Variants in NME7 observed in about 807,000 individuals in gnomAD.
NME7 encodes the protein NME/NM23 family member 7.
In NME7, 41 loss-of-function variants were observed where a neutral mutation model predicts 49.1. The observed-to-expected ratio is 0.83, with a 90% confidence interval of 0.65 to 1.08. The LOEUF (loss-of-function observed/expected upper bound fraction) is 1.08. NME7 is among the 50% of genes least tolerant of loss of function. The pLI, the probability that NME7 is intolerant of heterozygous loss-of-function variation, is 0.00. For missense variants in NME7, 423 were observed against 463.4 expected (o/e 0.91, Z 0.80); for synonymous variants, 139 against 150.6 (o/e 0.92, Z 0.56).
intron 10 of NME7, among the ~76,000 whole-genome samples, chr1:169,225,462 C>A (rs1256890424): frequency 6.6e-6 from 1 of 152,058 alleles, no homozygotes; most frequent in African/African-American, 2.4e-5. Flanking sequence ...AGGAAAGGCA[C>A]AAAATGCAGC....
intron 10 of NME7, among the ~76,000 whole-genome samples, chr1:169,213,846 CACACAAACAT>C (rs941654941): frequency 2.9e-5 from 4 of 136,162 alleles, no homozygotes; most frequent in Non-Finnish European, 5.1e-5. Flanking sequence ...TATATATATA[CACACAAACAT>C]ACACACACAT....
At chr1:169,291,271 C>T (rs1426871338) in intron 6 of NME7, among the ~76,000 whole-genome samples, 1 of 152,134 alleles carries the variant, frequency 6.6e-6, no homozygotes, top group Admixed American at 6.5e-5. Flanking sequence ...AAATGCCCAT[C>T]AGTGATAGAC....
intron 6 of NME7, among the ~76,000 whole-genome samples, chr1:169,290,919 T>C (rs148266635): frequency 6.6e-6 from 1 of 152,100 alleles, no homozygotes; most frequent in African/African-American, 2.4e-5. Context: ...AAAAAGCTCA[T>C]CACTGGTCAT....
intron 1 of NME7, among the ~76,000 whole-genome samples, chr1:169,363,052 C>T (rs1181782722): frequency 6.7e-6 from 1 of 150,300 alleles, no homozygotes; most frequent in African/African-American, 2.4e-5. Context: ...CCAGGCTGGG[C>T]AGCATAGTGA....
At chr1:169,167,141 T>C (rs1223974677) in intron 11 of NME7, among the ~76,000 whole-genome samples, 2 of 152,148 alleles carry the variant, frequency 1.3e-5, no homozygotes, top group Non-Finnish European at 2.9e-5. Flanking sequence ...AAGTATTCAA[T>C]AAATGAGAAA....
intron 6 of NME7, among the ~76,000 whole-genome samples, chr1:169,289,807 G>A (rs1043827012): frequency 7.9e-5 from 12 of 151,996 alleles, no homozygotes; most frequent in African/African-American, 2.9e-4. Flanking sequence ...TATCTTCTTA[G>A]TGAAACGTGA....
intron 10 of NME7, among the ~76,000 whole-genome samples, chr1:169,195,759 C>T (rs1470188384): frequency 6.6e-6 from 1 of 152,168 alleles, no homozygotes; most frequent in Non-Finnish European, 1.5e-5. Flanking sequence ...AAAATATATA[C>T]TGAGTTCTTA....
intron 7 of NME7, chr1:169,247,188 T>C (rs530884462): frequency 2.0e-4 from 81 of 412,582 alleles, no homozygotes; most frequent in South Asian, 1.3e-3. Flanking sequence ...ACTGAGTAGA[T>C]AGGCTGGAAA....
intron 6 of NME7, among the ~76,000 whole-genome samples, chr1:169,292,024 G>T (rs1313657025): frequency 2.0e-5 from 3 of 151,808 alleles, no homozygotes; most frequent in Non-Finnish European, 4.4e-5. Flanking sequence ...ACAACAAATC[G>T]CTGAAATTGA....
At chr1:169,140,757 G>C (rs1426572661) in intron 11 of NME7, among the ~76,000 whole-genome samples, 1 of 149,326 alleles carries the variant, frequency 6.7e-6, no homozygotes, top group Admixed American at 6.7e-5. Flanking sequence ...TCAAATAAAA[G>C]AAATTGTAGA....
intron 1 of NME7, among the ~76,000 whole-genome samples, chr1:169,366,457 T>C (rs1653856974): frequency 1.3e-5 from 2 of 152,262 alleles, no homozygotes; most frequent in African/African-American, 4.8e-5. Context: ...ATGGAGGACA[T>C]GGTTTTGCTT....
chr1:169,359,646 A>G (rs914832242), intron 1 of NME7, among the ~76,000 whole-genome samples: 5 of 152,026 alleles, frequency 3.3e-5, no homozygotes, highest in African/African-American at 1.2e-4. Flanking sequence ...ACAACAGAAT[A>G]AGTTAAATAT....
chr1:169,225,836 A>G (rs77429897), intron 10 of NME7, among the ~76,000 whole-genome samples: 1 of 152,332 alleles, frequency 6.6e-6, no homozygotes, highest in African/African-American at 2.4e-5. Flanking sequence ...ACAGACATCA[A>G]TGATGAAATC....
intron 4 of NME7, among the ~76,000 whole-genome samples, chr1:169,306,468 T>C (rs1213827545): frequency 6.6e-6 from 1 of 152,150 alleles, no homozygotes; most frequent in Admixed American, 6.5e-5. Flanking sequence ...ATAAAATGCC[T>C]AAACTAAGGG....
intron 11 of NME7, among the ~76,000 whole-genome samples, chr1:169,148,997 A>T (rs1443343009): frequency 6.6e-6 from 1 of 152,228 alleles, no homozygotes; most frequent in Non-Finnish European, 1.5e-5. Context: ...TTTCAACTTC[A>T]AGATTACTAG....
At chr1:169,311,599 C>G (rs1411489542) in intron 3 of NME7, among the ~76,000 whole-genome samples, 1 of 151,920 alleles carries the variant, frequency 6.6e-6, no homozygotes, top group Non-Finnish European at 1.5e-5. Flanking sequence ...TTTATATTGT[C>G]TGGCTTCATT....
At chr1:169,235,324 T>C in intron 8 of NME7, 125 bp from the exon 9 acceptor site, 2 of 497,020 alleles carry the variant, frequency 4.0e-6, no homozygotes, top group Non-Finnish European at 7.1e-6. Context: ...TTTACATAGA[T>C]TACTCTTTGA....
intron 3 of NME7, chr1:169,322,282 C>T (rs1651876000): frequency 6.6e-6 from 1 of 152,102 alleles, no homozygotes; most frequent in African/African-American, 2.4e-5. Flanking sequence ...ATGAATGCAG[C>T]TTTGACAAAC....
intron 3 of NME7, among the ~76,000 whole-genome samples, chr1:169,317,822 T>C (rs552818982): frequency 6.6e-6 from 1 of 152,272 alleles, no homozygotes; most frequent in South Asian, 2.1e-4. Context: ...TAAAGTAACT[T>C]CTATCCCTGT....
Sources: gnomAD v4.1 joint callset for allele counts (sites outside exome capture counted in the v4.1 genomes callset) on GRCh38, gnomAD v4.1.1 for gene constraint, MANE v1.5 for transcripts, NCBI Gene and HGNC (gene_info 2026-07-23, HGNC 2026-07-21) for gene names.